SHISA4: variants seen among roughly 807,000 people sequenced by gnomAD.
The protein encoded by SHISA4 is shisa family member 4, also known as protein shisa-4.
In SHISA4, 16 loss-of-function variants were observed where a neutral mutation model predicts 24.2. The observed-to-expected ratio is 0.66, with a 90% CI of 0.45 to 1.00. The LOEUF (loss-of-function observed/expected upper bound fraction) is 1.00, where lower values mean the gene tolerates loss of function less well. SHISA4 is among the 50% of genes least tolerant of loss of function. The pLI is 0.00. For missense variants in SHISA4, 238 were observed against 258.9 expected (o/e 0.92, Z 0.55); for synonymous variants, 106 against 105.4 (o/e 1.01, Z -0.04).
Position 201,891,904 on chromosome 1 carries a change from A to G in SHISA4, c.*58A>G. 1 of 1,594,048 alleles carries G rather than the reference A, an allele frequency of 6.3e-7. No individual in the cohort carries two copies. ...GATGCCAACCTTGGGAGATGCCCTC[A>G]TCCTGTACCTGCATCTGGTCCTGGG... On this transcript the variant is annotated 3_prime_UTR_variant, in exon 5 of 5. Transcript: ENST00000362011.
chr1:201,890,665 T>G, intron 3 of SHISA4, 78 bp downstream of exon 3: 1 of 1,562,778 alleles, frequency 6.4e-7, no homozygotes, highest in Non-Finnish European at 8.7e-7. Context: ...AGTTCATGGA[T>G]TGGGTAAATT....
At chr1:201,889,204 C>T in intron 1 of SHISA4, 137 bp downstream of exon 1, 2 of 988,882 alleles carry the variant, frequency 2.0e-6, no homozygotes, top group South Asian at 1.7e-5. Flanking sequence ...GCTGGGTCCT[C>T]AAGAAGCGGG....
chr1:201,891,264 G>A (rs1681092112), intron 3 of SHISA4, 137 bp from the exon 4 acceptor site: 13 of 963,050 alleles, frequency 1.3e-5, no homozygotes, highest in Non-Finnish European at 1.8e-5. Flanking sequence ...GCCAAGCAGG[G>A]TGTGGGAGGC....
intron 1 of SHISA4, 116 bp from the exon 2 acceptor site, chr1:201,889,329 G>C (rs1681046982): frequency 4.2e-6 from 6 of 1,424,928 alleles, no homozygotes; most frequent in Admixed American, 3.7e-5. Flanking sequence ...GAGACAAGGG[G>C]CAACCCTCAG....
At chr1:201,891,624 G>C in intron 4 of SHISA4, 56 bp downstream of exon 4, 1 of 1,562,160 alleles carries the variant, frequency 6.4e-7, no homozygotes. Flanking sequence ...CTTGCCCTGC[G>C]ACCTCCCCTG....
In SHISA4 at chr1:201,888,922, G is replaced by T; in HGVS notation, c.-73G>T. On this transcript the variant is annotated 5_prime_UTR_variant, in exon 1 of 5. Transcript: ENST00000362011. ...TGGCCGCGGGCTGGGCCCCGCCGCA[G>T]CTCCAGCTGGCCGGCTTGGTCCTGC... 1 of 1,099,530 alleles carries T rather than the reference G, an allele frequency of 9.1e-7. No individual in the cohort carries two copies. The highest frequency in any genetic ancestry group is 4.2e-5 in the Admixed American group (1 of 23,570). The allele number at this position is 1,099,530 out of a possible 1,614,324, so 68.1% of individuals were successfully genotyped here.
At chr1:201,890,315 G>A (rs1681068800) in intron 2 of SHISA4, 139 bp from the exon 3 acceptor site, 2 of 1,109,504 alleles carry the variant, frequency 1.8e-6, no homozygotes, top group African/African-American at 1.6e-5. Flanking sequence ...CTCCTTCACA[G>A]GGACTGGGCA....
chr1:201,889,883 G>T (rs1681061062), intron 2 of SHISA4, among the ~76,000 whole-genome samples: 1 of 152,144 alleles, frequency 6.6e-6, no homozygotes, highest in Non-Finnish European at 1.5e-5. Context: ...CTTTGGTCCT[G>T]CCAGGTCATG....
Position 201,890,560 on chromosome 1 carries a change from C to T in SHISA4, c.352C>T (p.Arg118Cys), listed in dbSNP as rs770962402. 3.7e-6 allele frequency: 6 copies of T among 1,614,084 alleles called. No individual in the cohort carries two copies. Among genetic ancestry groups the T allele is most frequent in the African/African-American group, 1.3e-5 (1 of 74,922 alleles). Reference sequence around the variant, plus strand: ...TTCCTGTTGCTACCTGTACCGCCGGCGCCAGCAGCTCCAGAGCCCATTTGA... The same window carrying T: ...TTCCTGTTGCTACCTGTACCGCCGGTGCCAGCAGCTCCAGAGCCCATTTGA... ...LCSCCYLYRR[R>C]QQLQSPFEGQ... The change falls in exon 3 of 5, where the codon CGC (arginine) becomes TGC (cysteine). Residue 118 changes from arginine to cysteine, a missense_variant. Arg to Cys is a radical substitution (Grantham distance 180). Coordinates refer to ENST00000362011, the MANE Select transcript of SHISA4 (RefSeq NM_198149.3).
upstream of SHISA4, chr1:201,888,767 A>C (rs949048988): frequency 3.5e-5 from 13 of 371,422 alleles, no homozygotes; most frequent in African/African-American, 2.7e-4. Flanking sequence ...AGGGGCACCC[A>C]GCTCCAGAGG....
Position 201,891,936 on chromosome 1 carries a change from A to T in SHISA4, c.*90A>T. The T allele has an allele frequency of 2.0e-6, 3 of 1,508,270 alleles. No homozygotes were observed. The highest frequency in any genetic ancestry group is 2.8e-6 in the Non-Finnish European group (3 of 1,085,718). 93.4% of individuals were successfully genotyped at this position (1,508,270 alleles called of 1,614,324 possible). A position where few individuals can be genotyped will look rare whatever the true frequency, so the allele number is the denominator to read the frequency against. On this transcript the variant is annotated 3_prime_UTR_variant, in exon 5 of 5. Coordinates refer to ENST00000362011, the MANE Select transcript of SHISA4 (RefSeq NM_198149.3). ...ACCTGCATCTGGTCCTGGGGGTGGCAGGAGTCCTCCAGCCACCAGGCCCCA... is the reference window on the plus strand; with the variant it reads ...ACCTGCATCTGGTCCTGGGGGTGGCTGGAGTCCTCCAGCCACCAGGCCCCA...
chr1:201,891,924 C>T lies in SHISA4; in HGVS notation c.*78C>T. ...CCCTCATCCTGTACCTGCATCTGGT[C>T]CTGGGGGTGGCAGGAGTCCTCCAGC... On this transcript the variant is annotated 3_prime_UTR_variant, in exon 5 of 5. Coordinates refer to ENST00000362011, the MANE Select transcript of SHISA4 (RefSeq NM_198149.3). The T allele has an allele frequency of 6.4e-7, 1 of 1,562,348 alleles. No homozygotes were observed. The highest frequency in any genetic ancestry group is 8.8e-7 in the Non-Finnish European group (1 of 1,133,966).
chr1:201,889,545 C>T lies in SHISA4; in HGVS notation c.174C>T (p.Tyr58=), dbSNP rs1395582085. ...TCACCTTCTGCTGCGGGACCTGCTA[C>T]CATCGGTACTGCTGCAGGGACCTGA... ...EFFTFCCGTC[Y]HRYCCRDLTL... is the part of the protein sequence containing the mutation. The change falls in exon 2 of 5, where the codon TAC becomes TAT. Residue 58 remains tyrosine, a synonymous_variant. Coordinates refer to ENST00000362011, the MANE Select transcript of SHISA4 (RefSeq NM_198149.3). The T allele has an allele frequency of 1.9e-6, 3 of 1,614,122 alleles. No homozygotes were observed. Among genetic ancestry groups the T allele is most frequent in the East Asian group, 2.2e-5 (1 of 44,874 alleles).
Position 201,888,969 on chromosome 1 carries a change from G to C in SHISA4, c.-26G>C. On this transcript the variant is annotated 5_prime_UTR_variant, in exon 1 of 5. Coordinates refer to ENST00000362011, the MANE Select transcript of SHISA4 (RefSeq NM_198149.3). ...CTGCGGTCCCTTCTCTGGGAGGCCC[G>C]ACCCCGGCCGCGCCCAGCCCCCACC... The C allele has an allele frequency of 7.3e-7, 1 of 1,373,882 alleles. No homozygotes were observed. The highest frequency in any genetic ancestry group is 9.4e-7 in the Non-Finnish European group (1 of 1,060,846). The allele number at this position is 1,373,882 out of a possible 1,614,324, so 85.1% of individuals were successfully genotyped here.
rs562696551 is a variant in SHISA4, at chr1:201,891,623, C to G, written c.547+55C>G. The G allele has an allele frequency of 2.6e-6, 4 of 1,561,608 alleles. No homozygotes were observed. In the East Asian group the frequency reaches 9.0e-5, roughly 35 times the overall value. ...CTGCCTTCCCCCACCCCTTGCCCTGCGACCTCCCCTGTGCCTCTCTCATTC... is the reference window on the plus strand; with the variant it reads ...CTGCCTTCCCCCACCCCTTGCCCTGGGACCTCCCCTGTGCCTCTCTCATTC... On this transcript the variant is annotated intron_variant, in intron 4 of 4. Coordinates refer to ENST00000362011, the MANE Select transcript of SHISA4 (RefSeq NM_198149.3).
chr1:201,889,753 G>GT, intron 2 of SHISA4, 137 bp downstream of exon 2: 1 of 1,059,384 alleles, frequency 9.4e-7, no homozygotes, highest in Non-Finnish European at 1.4e-6. Context: ...CAGGACTCAA[G>GT]CCTGGCGGCA....
chr1:201,889,642 C>A (rs777376755), intron 2 of SHISA4, 26 bp downstream of exon 2: 3 of 1,612,006 alleles, frequency 1.9e-6, no homozygotes, highest in East Asian at 4.5e-5. Context: ...CTCACCCTCA[C>A]CACCTCCTCT....
intron 1 of SHISA4, 98 bp from the exon 2 acceptor site, chr1:201,889,347 G>C: frequency 6.6e-7 from 1 of 1,519,794 alleles, no homozygotes; most frequent in South Asian, 1.2e-5. Context: ...CAGTGTTCGG[G>C]AGCCGTCAGG....
Position 201,889,053 on chromosome 1 carries a change from T to TG in SHISA4, c.64dup (p.Ala22GlyfsTer25). ...CTCACCGCAATCGCTCTGTTGGTGCTGGGGGCTCCCCTGGGTAAGGGGATG... is the reference window on the plus strand; with the variant it reads ...CTCACCGCAATCGCTCTGTTGGTGCTGGGGGGCTCCCCTGGGTAAGGGGATG... On this transcript the variant is annotated frameshift_variant, in exon 1 of 5. Transcript: ENST00000362011. LOFTEE classifies it high-confidence loss of function. 3 of 1,390,620 alleles carry TG rather than the reference T, an allele frequency of 2.2e-6. No individual in the cohort carries two copies. Among genetic ancestry groups the TG allele is most frequent in the Non-Finnish European group, 2.8e-6 (3 of 1,070,214 alleles). 86.1% of individuals were successfully genotyped at this position (1,390,620 alleles called of 1,614,324 possible). A position where few individuals can be genotyped will look rare whatever the true frequency, so the allele number is the denominator to read the frequency against.
Sources: gnomAD v4.1 joint callset for allele counts (sites outside exome capture counted in the v4.1 genomes callset) on GRCh38, gnomAD v4.1.1 for gene constraint, MANE v1.5 for transcripts, NCBI Gene and HGNC (gene_info 2026-07-23, HGNC 2026-07-21) for gene names.